Variants in ZNF385D observed in about 807,000 individuals in gnomAD.
The protein encoded by ZNF385D is zinc finger protein 659.
In ZNF385D, 15 loss-of-function variants were observed where a neutral mutation model predicts 35.8. The observed-to-expected ratio is 0.42, with a 90% confidence interval of 0.28 to 0.64. ZNF385D has a LOEUF of 0.64. ZNF385D is among the 30% of genes least tolerant of loss of function. The pLI is 0.23. For synonymous variants in ZNF385D, 212 were observed against 186.8 expected, an observed-to-expected ratio of 1.13 and a Z score of -1.10; for missense variants, 474 against 494.6, an observed-to-expected ratio of 0.96 and a Z score of 0.39.
intron 3 of ZNF385D, among the ~76,000 whole-genome samples, chr3:21,815,691 G>A (rs1214044162): frequency 6.6e-6 from 1 of 152,186 alleles, no homozygotes; most frequent in East Asian, 1.9e-4. Flanking sequence ...ATAATTAATA[G>A]CCTACCAACC....
intron 2 of ZNF385D, among the ~76,000 whole-genome samples, chr3:22,232,546 C>T (rs955053118): frequency 3.3e-5 from 5 of 152,106 alleles, no homozygotes. Flanking sequence ...TCTAGCTCCC[C>T]ATCCCTGACA....
upstream of ZNF385D, among the ~76,000 whole-genome samples, chr3:21,756,152 G>A (rs891755125): frequency 2.6e-5 from 4 of 152,172 alleles, no homozygotes; most frequent in Non-Finnish European, 4.4e-5. Context: ...TAAGGTGACG[G>A]GTTAGGAAGC....
chr3:21,943,038 A>T (rs1701608511), intron 3 of ZNF385D, among the ~76,000 whole-genome samples: 1 of 152,138 alleles, frequency 6.6e-6, no homozygotes, highest in African/African-American at 2.4e-5. Context: ...ATAAGAACTC[A>T]TACTTCTAAA....
At chr3:21,852,592 T>C (rs991255418) in intron 3 of ZNF385D, among the ~76,000 whole-genome samples, 6 of 151,926 alleles carry the variant, frequency 3.9e-5, no homozygotes, top group Admixed American at 2.6e-4. Context: ...CTATACCACA[T>C]AGCATGAGAT....
In ZNF385D at chr3:22,343,904, A is replaced by G. The variant is rs561473849; in HGVS notation, c.106+28546T>C. Among the ~76,000 whole-genome samples, 3 of 152,198 alleles carry G rather than the reference A, an allele frequency of 2.0e-5. No homozygotes were observed. In the East Asian group the frequency reaches 5.8e-4, roughly 29 times the overall value. On this transcript the variant is annotated intron_variant, in intron 2 of 5. Coordinates refer to the ZNF385D transcript ENST00000494108. ...TCCCCAACTACTGGGCTGTACCCCC[A>G]GCATATTTACATTTTACCACATCCA...
chr3:21,791,511 G>T (rs1575656931), intron 3 of ZNF385D, among the ~76,000 whole-genome samples: 1 of 152,234 alleles, frequency 6.6e-6, no homozygotes. Flanking sequence ...AAGAAATCTG[G>T]CTCCTTCAAT....
At chr3:22,358,312 T>A (rs931509695) in intron 2 of ZNF385D, among the ~76,000 whole-genome samples, 1 of 151,912 alleles carries the variant, frequency 6.6e-6, no homozygotes, top group Non-Finnish European at 1.5e-5. Context: ...GATCTCACCA[T>A]TGTTGAGACC....
chr3:21,864,020 T>C (rs544798924), intron 3 of ZNF385D, among the ~76,000 whole-genome samples: 64 of 152,284 alleles, frequency 4.2e-4, no homozygotes, highest in South Asian at 1.0e-3. Flanking sequence ...GGATTATACG[T>C]TGTGTAACCA....
intron 2 of ZNF385D, among the ~76,000 whole-genome samples, chr3:22,368,567 C>T (rs867544880): frequency 2.0e-5 from 3 of 152,252 alleles, no homozygotes; most frequent in South Asian, 4.1e-4. Context: ...CTGTGAAGAC[C>T]AGGATCTTGG....
chr3:21,927,180 C>T (rs1444312173), intron 3 of ZNF385D, among the ~76,000 whole-genome samples: 1 of 152,092 alleles, frequency 6.6e-6, no homozygotes, highest in Non-Finnish European at 1.5e-5. Flanking sequence ...TCTCCTTTAG[C>T]CATGGATAGA....
At chr3:22,202,867 AC>A (rs1696895434) in intron 2 of ZNF385D, among the ~76,000 whole-genome samples, 1 of 152,078 alleles carries the variant, frequency 6.6e-6, no homozygotes, top group Non-Finnish European at 1.5e-5. Context: ...GAGGGGAATC[AC>A]CCATTCCATT....
chr3:22,141,381 G>A (rs774502442), intron 3 of ZNF385D, among the ~76,000 whole-genome samples: 1 of 152,080 alleles, frequency 6.6e-6, no homozygotes, highest in African/African-American at 2.4e-5. Context: ...AACTTCATTT[G>A]AAATGTACAC....
intron 1 of ZNF385D, among the ~76,000 whole-genome samples, chr3:21,718,792 G>C (rs1305053185): frequency 6.6e-6 from 1 of 152,106 alleles, no homozygotes; most frequent in Non-Finnish European, 1.5e-5. Flanking sequence ...AGAATGTTCA[G>C]GCCAAACTGA....
chr3:21,730,263 G>A (rs1482987863), intron 1 of ZNF385D, among the ~76,000 whole-genome samples: 1 of 152,164 alleles, frequency 6.6e-6, no homozygotes, highest in Non-Finnish European at 1.5e-5. Flanking sequence ...TAAAAACACA[G>A]ATGAGCCTTA....
chr3:22,131,223 G>A (rs1014961202), intron 3 of ZNF385D, among the ~76,000 whole-genome samples: 3 of 152,128 alleles, frequency 2.0e-5, no homozygotes, highest in African/African-American at 7.2e-5. Context: ...AGACAGAGAC[G>A]ATGTGGTCAG....
intron 2 of ZNF385D, among the ~76,000 whole-genome samples, chr3:22,339,995 C>T (rs1695350829): frequency 6.6e-6 from 1 of 152,180 alleles, no homozygotes; most frequent in Non-Finnish European, 1.5e-5. Flanking sequence ...ATCTGCCCAT[C>T]AGTCATGTAC....
At chr3:22,047,528 T>A (rs1699076721) in intron 3 of ZNF385D, among the ~76,000 whole-genome samples, 1 of 152,162 alleles carries the variant, frequency 6.6e-6, no homozygotes, top group South Asian at 2.1e-4. Context: ...CTTATTTCAC[T>A]TAACATAATG....
intron 3 of ZNF385D, among the ~76,000 whole-genome samples, chr3:22,093,277 T>A (rs1398162761): frequency 2.0e-5 from 3 of 152,098 alleles, no homozygotes; most frequent in Non-Finnish European, 4.4e-5. Context: ...ATCTAAAACT[T>A]TTAGAAGGTA....
intron 3 of ZNF385D, among the ~76,000 whole-genome samples, chr3:22,006,770 T>C (rs189094866): frequency 1.3e-5 from 2 of 152,014 alleles, no homozygotes; most frequent in African/African-American, 2.4e-5. Context: ...TCTCTTGAAA[T>C]ATATAAATGA....
Sources: allele counts gnomAD v4.1 joint callset (sites outside exome capture counted in the v4.1 genomes callset), GRCh38; gene constraint gnomAD v4.1.1; transcripts MANE v1.5; gene names NCBI Gene and HGNC (gene_info 2026-07-23, HGNC 2026-07-21).